Variants in PCLO observed in about 807,000 individuals in gnomAD.
PCLO encodes the protein piccolo presynaptic cytomatrix protein, also known as protein piccolo.
Under a neutral mutation model 427.5 loss-of-function variants are expected in PCLO, and 82 were observed. That is an observed-to-expected ratio of 0.19 (90% CI 0.16 to 0.23). The LOEUF (loss-of-function observed/expected upper bound fraction) is 0.23. Among genes scored for constraint, PCLO ranks in the 10% least tolerant of loss-of-function variants. The probability of loss-of-function intolerance (pLI) is 1.00; values close to 1 mark genes in which losing one functional copy is unlikely to be tolerated. For missense variants in PCLO, 6,239 were observed against 6,115.9 expected, an observed-to-expected ratio of 1.02 and a Z score of -0.67; for synonymous variants, 2,357 against 2,155.4, an observed-to-expected ratio of 1.09 and a Z score of -2.59.
chr7:83,135,179 T>C lies in PCLO; in HGVS notation c.2371A>G (p.Thr791Ala). The change falls in exon 3 of 25, where the codon ACA (threonine) becomes GCA (alanine). Residue 791 changes from threonine to alanine, a missense_variant. Coordinates refer to ENST00000333891, the MANE Select transcript of PCLO (RefSeq NM_033026.6). ...GAGTCTGTTTTTAGAGGAGGGGTTG[T>C]TTTCTCTTCAGCTTGTGACTGTACT... is the stretch of plus-strand genomic sequence containing the variant. ...SKVQSQAEEK[T>A]TPPLKTDSAK... 5.6e-6 allele frequency: 9 copies of C among 1,613,904 alleles called. No individual in the cohort carries two copies. The highest frequency in any genetic ancestry group is 7.6e-6 in the Non-Finnish European group (9 of 1,179,874).
intron 9 of PCLO, among the ~76,000 whole-genome samples, chr7:82,889,065 G>C (rs565348630): frequency 6.7e-6 from 1 of 150,210 alleles, no homozygotes; most frequent in Admixed American, 6.8e-5. Context: ...GAACTATTCA[G>C]CGGAGCCAAA....
intron 3 of PCLO, among the ~76,000 whole-genome samples, chr7:83,002,597 C>T (rs1241869194): frequency 6.6e-6 from 1 of 151,830 alleles, no homozygotes; most frequent in Non-Finnish European, 1.5e-5. Context: ...TTATTAACCA[C>T]TCCAACATCT....
chr7:83,088,491 A>G (rs1790294736), intron 3 of PCLO, among the ~76,000 whole-genome samples: 2 of 152,136 alleles, frequency 1.3e-5, no homozygotes, highest in South Asian at 4.1e-4. Flanking sequence ...CATCCACTTC[A>G]TTGTTTCTAT....
intron 3 of PCLO, among the ~76,000 whole-genome samples, chr7:83,087,603 G>A (rs1790271035): frequency 1.3e-5 from 2 of 151,648 alleles, no homozygotes; most frequent in African/African-American, 2.4e-5. Flanking sequence ...TATTTGTATA[G>A]GTTTTAATAA....
chr7:82,867,154 C>A (rs1793116503), intron 10 of PCLO, among the ~76,000 whole-genome samples: 1 of 152,250 alleles, frequency 6.6e-6, no homozygotes, highest in South Asian at 2.1e-4. Flanking sequence ...AATCCCAGAA[C>A]TTTGGGAGGC....
At chr7:82,933,128 G>T (rs1030320197) in intron 6 of PCLO, among the ~76,000 whole-genome samples, 1 of 152,010 alleles carries the variant, frequency 6.6e-6, no homozygotes, top group African/African-American at 2.4e-5. Flanking sequence ...AGAGCCAGCA[G>T]GACCCTCTCT....
intron 9 of PCLO, among the ~76,000 whole-genome samples, chr7:82,896,227 G>A (rs1018534924): frequency 1.2e-4 from 18 of 151,722 alleles, no homozygotes; most frequent in African/African-American, 4.1e-4. Flanking sequence ...AAACATGTAT[G>A]CAAATATTAT....
chr7:83,121,826 C>A (rs1405714013), intron 3 of PCLO, among the ~76,000 whole-genome samples: 2 of 149,784 alleles, frequency 1.3e-5, no homozygotes, highest in Non-Finnish European at 1.5e-5. Flanking sequence ...AGGCTATAGC[C>A]CTGACACCAA....
chr7:82,971,402 A>C (rs1295962774), intron 3 of PCLO, among the ~76,000 whole-genome samples: 3 of 150,924 alleles, frequency 2.0e-5, no homozygotes, highest in Non-Finnish European at 4.4e-5. Flanking sequence ...CAGCAGTTTT[A>C]TGTGTATGTG....
intron 3 of PCLO, among the ~76,000 whole-genome samples, chr7:83,037,560 A>C (rs1788826227): frequency 6.6e-6 from 1 of 151,894 alleles, no homozygotes; most frequent in African/African-American, 2.4e-5. Context: ...GGTCAGGAAT[A>C]GACTAAAAGG....
At position 83,162,420 on chromosome 7, in the gene PCLO, G is replaced by T; in HGVS notation, c.173C>A (p.Ala58Asp). The T allele has an allele frequency of 6.3e-7, 1 of 1,597,176 alleles. No individual in the cohort carries two copies. Among genetic ancestry groups the T allele is most frequent in the Non-Finnish European group, 8.5e-7 (1 of 1,171,790 alleles). Reference sequence around the variant, plus strand: ...CAGCCCCTGCGCCCTTGACATGACAGCGGCGATCTGTCTCCTCTCCTCTTC... The same window carrying T: ...CAGCCCCTGCGCCCTTGACATGACATCGGCGATCTGTCTCCTCTCCTCTTC... The part of the protein sequence containing the change: ...LSEEERRQIA[A>D]VMSRAQGLPK... Residue 58 changes from alanine (A) to aspartate (D), a missense_variant, in exon 1 of 25, where the codon GCT becomes GAT. This residue lies in a region of PCLO where 4,677 missense variants were observed against 4,468.4 expected (regional missense o/e 1.05). Coordinates refer to ENST00000333891, the MANE Select transcript of PCLO (RefSeq NM_033026.6).
intron 9 of PCLO, among the ~76,000 whole-genome samples, chr7:82,889,036 T>C (rs1266766911): frequency 6.6e-6 from 1 of 150,666 alleles, no homozygotes; most frequent in East Asian, 2.0e-4. Context: ...GAGGGGTTTC[T>C]GTTACCTGCC....
chr7:83,127,654 AT>A (rs1285693041), intron 3 of PCLO, among the ~76,000 whole-genome samples: 2 of 152,128 alleles, frequency 1.3e-5, no homozygotes, highest in Non-Finnish European at 2.9e-5. Context: ...AATATTCTGC[AT>A]TTCTCAGTCT....
chr7:83,118,975 T>TA (rs958598669), intron 3 of PCLO, among the ~76,000 whole-genome samples: 21 of 151,634 alleles, frequency 1.4e-4, no homozygotes, highest in East Asian at 3.9e-4. Context: ...GAGGGAAATA[T>TA]AAAAAAAAAT....
chr7:82,769,875 G>T (rs2158219), intron 22 of PCLO, among the ~76,000 whole-genome samples: 91,844 of 151,866 alleles, frequency 0.6, 28,804 homozygotes, highest in East Asian at 0.86. Flanking sequence ...ATTCCAAATC[G>T]ATAAAAACTC....
chr7:82,780,315 T>G (rs1790845281), intron 22 of PCLO, among the ~76,000 whole-genome samples: 1 of 152,166 alleles, frequency 6.6e-6, no homozygotes, highest in African/African-American at 2.4e-5. Flanking sequence ...AAGTAGAGAA[T>G]TTAGTAATCT....
In PCLO at chr7:82,955,761, G is replaced by A; in HGVS notation, c.5192C>T (p.Pro1731Leu). 1 of 1,613,944 alleles carries A rather than the reference G, an allele frequency of 6.2e-7. No homozygotes were observed. The highest frequency in any genetic ancestry group is 8.5e-7 in the Non-Finnish European group (1 of 1,179,860). ...CTCATCAAGTGATGATACTGATGTA[G>A]GGGATGTACCAGGAGTGAAGCTGGA... is the stretch of plus-strand genomic sequence containing the variant. Reference protein sequence around the residue: ...HASSFTPGTSPTSVSSLDEDS... With the variant: ...HASSFTPGTSLTSVSSLDEDS... The change falls in exon 5 of 25, where the codon CCT becomes CTT. Residue 1731 changes from proline to leucine, a missense_variant. Physicochemically the swap from Pro to Leu is moderately conservative, Grantham distance 98 (BLOSUM62 -3). Around this residue, in one of 5 missense-constraint regions of PCLO, gnomAD observed 4,677 missense variants for 4,468.4 expected, o/e 1.05. Transcript: ENST00000333891.
intron 9 of PCLO, among the ~76,000 whole-genome samples, chr7:82,892,593 A>C (rs1225803342): frequency 6.6e-6 from 1 of 151,750 alleles, no homozygotes; most frequent in Non-Finnish European, 1.5e-5. Flanking sequence ...TAATTAAACT[A>C]AAGAGCTTCT....
chr7:82,985,290 A>G (rs991863587), intron 3 of PCLO, among the ~76,000 whole-genome samples: 1 of 152,048 alleles, frequency 6.6e-6, no homozygotes, highest in Non-Finnish European at 1.5e-5. Context: ...TACATTTAAG[A>G]GGATCAAAAG....
Sources: allele counts gnomAD v4.1 joint callset (sites outside exome capture counted in the v4.1 genomes callset), GRCh38; gene constraint gnomAD v4.1.1; regional missense constraint gnomAD v4.1.1; transcripts MANE v1.5; gene names NCBI Gene and HGNC (gene_info 2026-07-23, HGNC 2026-07-21).